Variants in FAM135B observed in about 807,000 individuals in gnomAD.
FAM135B encodes the protein family with sequence similarity 135 member B, also known as protein FAM135B.
Under a neutral mutation model 127.7 loss-of-function variants are expected in FAM135B, and 43 were observed. That is an observed-to-expected ratio of 0.34 (90% CI 0.26 to 0.43). The LOEUF (loss-of-function observed/expected upper bound fraction) is 0.43. Among genes scored for constraint, FAM135B ranks in the 20% least tolerant of loss-of-function variants. The pLI, the probability that FAM135B is intolerant of heterozygous loss-of-function variation, is 1.00. For missense variants in FAM135B, 1,558 were observed against 1,725.6 expected (o/e 0.90, Z 1.72); for synonymous variants, 670 against 665.1 (o/e 1.01, Z -0.11).
chr8:138,185,683 C>A (rs2131038395), intron 9 of FAM135B, among the ~76,000 whole-genome samples: 1 of 152,258 alleles, frequency 6.6e-6, no homozygotes, highest in East Asian at 1.9e-4. Flanking sequence ...TTTGGGATCT[C>A]CCAGAAGTTT....
intron 7 of FAM135B, among the ~76,000 whole-genome samples, chr8:138,236,005 G>A (rs1451559705): frequency 6.6e-6 from 1 of 152,170 alleles, no homozygotes; most frequent in East Asian, 1.9e-4. Context: ...CTCCACGGGT[G>A]AGCCAAGGAA....
chr8:138,218,572 A>G (rs570632737), intron 7 of FAM135B, among the ~76,000 whole-genome samples: 238 of 152,268 alleles, frequency 1.6e-3, no homozygotes, highest in African/African-American at 5.0e-3. Context: ...AGAAATGTTC[A>G]TGGATGTTAG....
intron 1 of FAM135B, among the ~76,000 whole-genome samples, chr8:138,424,395 G>T (rs1240889012): frequency 1.3e-5 from 2 of 152,136 alleles, no homozygotes; most frequent in Non-Finnish European, 2.9e-5. Flanking sequence ...TCCGTTCGAG[G>T]TCCCTGACTT....
At chr8:138,184,796 G>A (rs564110763) in intron 9 of FAM135B, among the ~76,000 whole-genome samples, 5 of 152,210 alleles carry the variant, frequency 3.3e-5, no homozygotes, top group East Asian at 3.9e-4. Flanking sequence ...TATTCAAACC[G>A]CCATACACGA....
chr8:138,145,519 G>C (rs897167960), intron 15 of FAM135B, among the ~76,000 whole-genome samples: 7 of 152,116 alleles, frequency 4.6e-5, no homozygotes, highest in South Asian at 4.1e-4. Flanking sequence ...AGATAAAATG[G>C]GGAAACAGGT....
At chr8:138,210,051 G>T (rs536407444) in intron 7 of FAM135B, among the ~76,000 whole-genome samples, 1 of 152,042 alleles carries the variant, frequency 6.6e-6, no homozygotes, top group Non-Finnish European at 1.5e-5. Flanking sequence ...GAGTGTGAAG[G>T]GTCAAGCAAT....
intron 1 of FAM135B, among the ~76,000 whole-genome samples, chr8:138,427,271 G>T (rs1033481453): frequency 1.3e-4 from 19 of 145,664 alleles, no homozygotes; most frequent in Non-Finnish European, 2.5e-4. Flanking sequence ...AATTCATCAA[G>T]ATTATATATA....
At chr8:138,297,514 T>C (rs897009657) in intron 3 of FAM135B, among the ~76,000 whole-genome samples, 14 of 152,240 alleles carry the variant, frequency 9.2e-5, no homozygotes, top group Non-Finnish European at 1.9e-4. Context: ...TCATTGCATT[T>C]TTTAAAACAT....
intron 1 of FAM135B, among the ~76,000 whole-genome samples, chr8:138,406,498 C>T (rs1465932977): frequency 2.6e-5 from 4 of 151,372 alleles, no homozygotes; most frequent in Non-Finnish European, 5.9e-5. Context: ...AACATTGATG[C>T]AAAAATCCTC....
At chr8:138,206,415 C>T (rs1384849504) in intron 7 of FAM135B, among the ~76,000 whole-genome samples, 2 of 150,764 alleles carry the variant, frequency 1.3e-5, no homozygotes, top group South Asian at 2.1e-4. Context: ...CTATCGTCCC[C>T]TCCACCTACA....
chr8:138,426,305 A>T (rs1834887677), intron 1 of FAM135B, among the ~76,000 whole-genome samples: 1 of 151,426 alleles, frequency 6.6e-6, no homozygotes, highest in Admixed American at 6.6e-5. Context: ...GCTAAGCTAA[A>T]ATATAAAAGC....
At chr8:138,227,624 A>G (rs2130153214) in intron 7 of FAM135B, among the ~76,000 whole-genome samples, 1 of 152,080 alleles carries the variant, frequency 6.6e-6, no homozygotes, top group Middle Eastern at 3.5e-3. Flanking sequence ...GCACATGTTC[A>G]TGACACCATC....
intron 7 of FAM135B, among the ~76,000 whole-genome samples, chr8:138,205,169 T>C (rs1817459168): frequency 6.6e-6 from 1 of 152,356 alleles, no homozygotes; most frequent in South Asian, 2.1e-4. Context: ...GCTTTATGTG[T>C]ATTAAGCATT....
chr8:138,250,756 C>T, intron 6 of FAM135B, 85 bp downstream of exon 6: 1 of 1,469,338 alleles, frequency 6.8e-7, no homozygotes, highest in Non-Finnish European at 9.4e-7. Context: ...GTGTGCTGAT[C>T]TCTCCTGGAA....
At chr8:138,257,388 C>T (rs957427716) in intron 4 of FAM135B, among the ~76,000 whole-genome samples, 1 of 151,196 alleles carries the variant, frequency 6.6e-6, no homozygotes, top group Non-Finnish European at 1.5e-5. Context: ...CTCATGGCTG[C>T]TTTTGTCCTT....
intron 5 of FAM135B, among the ~76,000 whole-genome samples, chr8:138,251,566 AG>A (rs1821698301): frequency 6.6e-6 from 1 of 152,220 alleles, no homozygotes; most frequent in South Asian, 2.1e-4. Context: ...AACGAACAAA[AG>A]AATGAATGAC....
chr8:138,437,047 ACCT>A (rs982344771), intron 1 of FAM135B: 1 of 151,988 alleles, frequency 6.6e-6, no homozygotes, highest in Non-Finnish European at 1.5e-5. Flanking sequence ...CTGTGCTCTG[ACCT>A]CCTCCAACGG....
At chr8:138,339,975 T>C (rs1362504974) in intron 2 of FAM135B, among the ~76,000 whole-genome samples, 1 of 152,160 alleles carries the variant, frequency 6.6e-6, no homozygotes, top group South Asian at 2.1e-4. Flanking sequence ...TCTGAATTCC[T>C]CATATCTAAT....
chr8:138,358,707 C>T (rs1830235896), intron 2 of FAM135B: 1 of 152,194 alleles, frequency 6.6e-6, no homozygotes, highest in East Asian at 1.9e-4. Flanking sequence ...TTCATGGCCA[C>T]ATGACCTTTT....
Sources: gnomAD v4.1 joint callset for allele counts (sites outside exome capture counted in the v4.1 genomes callset) on GRCh38, gnomAD v4.1.1 for gene constraint, MANE v1.5 for transcripts, NCBI Gene and HGNC (gene_info 2026-07-23, HGNC 2026-07-21) for gene names.